Variants in FGGY observed in about 807,000 individuals in gnomAD.
FGGY encodes FGGY carbohydrate kinase domain-containing protein.
In FGGY, 72 loss-of-function variants were observed where a neutral mutation model predicts 71.3. The observed-to-expected ratio is 1.01, with a 90% CI of 0.84 to 1.23. The LOEUF (loss-of-function observed/expected upper bound fraction) is 1.23. Ranked by LOEUF, FGGY falls within the 50% of genes most tolerant of loss-of-function variation. The pLI is 0.00. For missense variants in FGGY, 668 were observed against 682.3 expected, an observed-to-expected ratio of 0.98 and a Z score of 0.23; for synonymous variants, 251 against 250.3, an observed-to-expected ratio of 1.00 and a Z score of -0.02.
chr1:59,498,972 GC>G (rs1192093883), intron 6 of FGGY, among the ~76,000 whole-genome samples: 2 of 152,180 alleles, frequency 1.3e-5, no homozygotes, highest in East Asian at 3.9e-4. Context: ...TGCTGCTTCT[GC>G]TTTTGCACTG....
At chr1:59,543,046 A>C (rs2095469223) in intron 7 of FGGY, among the ~76,000 whole-genome samples, 1 of 152,132 alleles carries the variant, frequency 6.6e-6, no homozygotes, top group Non-Finnish European at 1.5e-5. Context: ...CAGAGATGTC[A>C]TTTCAACTGC....
intron 5 of FGGY, among the ~76,000 whole-genome samples, chr1:59,384,592 T>C (rs1014533811): frequency 2.6e-5 from 4 of 152,204 alleles, no homozygotes; most frequent in African/African-American, 4.8e-5. Flanking sequence ...TCTATCAGTT[T>C]TGGCAATGAG....
At chr1:59,611,043 G>A (rs933444249) in intron 9 of FGGY, among the ~76,000 whole-genome samples, 1 of 152,362 alleles carries the variant, frequency 6.6e-6, no homozygotes, top group Middle Eastern at 3.4e-3. Flanking sequence ...GCCCACCTCA[G>A]CTCAAGGAGA....
chr1:59,550,164 A>G (rs1226119763), intron 7 of FGGY, among the ~76,000 whole-genome samples: 2 of 151,934 alleles, frequency 1.3e-5, no homozygotes, highest in Non-Finnish European at 2.9e-5. Context: ...TTGCAGAATA[A>G]ACTGACACTG....
chr1:59,493,933 A>T (rs988993287), intron 6 of FGGY, among the ~76,000 whole-genome samples: 4 of 152,168 alleles, frequency 2.6e-5, no homozygotes, highest in Non-Finnish European at 5.9e-5. Flanking sequence ...AATTAAATCT[A>T]TTATTTCTTA....
intron 14 of FGGY, among the ~76,000 whole-genome samples, chr1:59,715,098 C>G (rs915932184): frequency 6.6e-6 from 1 of 152,140 alleles, no homozygotes; most frequent in Non-Finnish European, 1.5e-5. Flanking sequence ...TTGTCCCTCC[C>G]AGAAATGCAT....
At position 59,554,190 on chromosome 1, in the gene FGGY, T is replaced by G; in HGVS notation, c.866T>G (p.Leu289Arg). ...GAGGGGCAGCCAGTGACGTCACGGC[T>G]GGCTGTCATCTGTGGAACGTCTTCT... ...ICEGQPVTSRLAVICGTSSCH... is the reference protein window; with the variant it reads ...ICEGQPVTSRRAVICGTSSCH... Residue 289 changes from leucine to arginine, a missense_variant, in exon 8 of 16, where the codon CTG becomes CGG. Around this residue, in one of 2 missense-constraint regions of FGGY, gnomAD observed 661 missense variants for 661.6 expected, o/e 1.00. Transcript: ENST00000303721. The G allele has an allele frequency of 1.9e-6, 3 of 1,613,646 alleles. No individual in the cohort carries two copies. The highest frequency in any genetic ancestry group is 2.5e-6 in the Non-Finnish European group (3 of 1,179,590).
chr1:59,394,324 G>A (rs2061058890), intron 5 of FGGY, among the ~76,000 whole-genome samples: 1 of 152,044 alleles, frequency 6.6e-6, no homozygotes, highest in Admixed American at 6.6e-5. Flanking sequence ...TTTTCTTAAA[G>A]AGCCTTTACA....
chr1:59,400,033 A>G (rs1428790404), intron 5 of FGGY, among the ~76,000 whole-genome samples: 1 of 152,208 alleles, frequency 6.6e-6, no homozygotes, highest in Non-Finnish European at 1.5e-5. Flanking sequence ...GTGTTTAGAA[A>G]CCAAGTGTGT....
At chr1:59,699,230 T>TA (rs1481657824) in intron 14 of FGGY, 1 of 985,188 alleles carries the variant, frequency 1.0e-6, no homozygotes, top group African/African-American at 1.7e-5. Context: ...TTTTTCTGGC[T>TA]AAAAAATGAT....
rs529433551 is a variant in FGGY at position 59,461,800 on chromosome 1, T to G, written c.670+4724T>G. 6.0e-3 allele frequency among the ~76,000 whole-genome samples: 860 copies of G among 143,880 alleles called. 12 individuals are homozygous for G. The highest frequency in any genetic ancestry group is 0.023 in the African/African-American group (774 of 33,642). 94.4% of individuals were successfully genotyped at this position (143,880 alleles called of 152,430 possible). On this transcript the variant is annotated intron_variant, in intron 6 of 15. Transcript: ENST00000303721. ...GTTTTGTTTTGTTTTGTTTTGTTTTTTATTTTATTGTATTTTATTTTTTTC... is the reference window on the plus strand; with the variant it reads ...GTTTTGTTTTGTTTTGTTTTGTTTTGTATTTTATTGTATTTTATTTTTTTC...
At chr1:59,720,543 T>C (rs1239521482) in intron 14 of FGGY, among the ~76,000 whole-genome samples, 14 of 152,382 alleles carry the variant, frequency 9.2e-5, no homozygotes, top group Non-Finnish European at 2.1e-4. Context: ...TATTAAATTA[T>C]GTGAAAAATT....
chr1:59,538,596 A>G (rs965315552), intron 7 of FGGY, among the ~76,000 whole-genome samples: 5 of 149,394 alleles, frequency 3.3e-5, no homozygotes, highest in Non-Finnish European at 5.9e-5. Flanking sequence ...AACCAACCCA[A>G]ATGTCCAACA....
At chr1:59,673,277 A>G (rs1016395279) in intron 13 of FGGY, among the ~76,000 whole-genome samples, 1 of 152,182 alleles carries the variant, frequency 6.6e-6, no homozygotes, top group Non-Finnish European at 1.5e-5. Context: ...AAAGCTCAGT[A>G]GGAAGGTGAT....
intron 4 of FGGY, among the ~76,000 whole-genome samples, chr1:59,347,573 CTT>C (rs1172361396): frequency 6.6e-6 from 1 of 151,996 alleles, no homozygotes; most frequent in African/African-American, 2.4e-5. Flanking sequence ...GTGCATGTGT[CTT>C]TATAGTAGCA....
chr1:59,451,373 G>C (rs903265986), intron 5 of FGGY, among the ~76,000 whole-genome samples: 3 of 109,642 alleles, frequency 2.7e-5, no homozygotes, highest in African/African-American at 1.2e-4. Flanking sequence ...TTTTTTTGTT[G>C]TTGTTTGTTT....
At chr1:59,301,706 CTTTTTT>C (rs34290988) in intron 1 of FGGY, among the ~76,000 whole-genome samples, 1 of 54,964 alleles carries the variant, frequency 1.8e-5, no homozygotes, top group Admixed American at 3.0e-4. Flanking sequence ...TGTGATCATT[CTTTTTT>C]TTTTTTTTTT....
chr1:59,566,668 T>C (rs1348370106), intron 8 of FGGY, among the ~76,000 whole-genome samples: 2 of 152,162 alleles, frequency 1.3e-5, no homozygotes, highest in African/African-American at 2.4e-5. Flanking sequence ...CTGGCTGTGT[T>C]CTTATGGGTT....
At chr1:59,560,690 G>C (rs1320413895) in intron 8 of FGGY, among the ~76,000 whole-genome samples, 4 of 151,524 alleles carry the variant, frequency 2.6e-5, no homozygotes, top group African/African-American at 4.9e-5. Flanking sequence ...AAAATGTCAT[G>C]CCTGCCTTCA....
Sources: gnomAD v4.1 joint callset for allele counts (sites outside exome capture counted in the v4.1 genomes callset) on GRCh38, gnomAD v4.1.1 for gene constraint, gnomAD v4.1.1 regional missense constraint, MANE v1.5 for transcripts, NCBI Gene and HGNC (gene_info 2026-07-23, HGNC 2026-07-21) for gene names.